The following PLAC1 variants were observed in gnomAD, a reference collection of about 807,000 sequenced individuals.
The protein encoded by PLAC1 is placenta-specific protein 1.
For synonymous variants in PLAC1, 68 were observed against 62.1 expected (o/e 1.09, Z -0.44); for missense variants, 136 against 163.2 (o/e 0.83, Z 0.91).
intron 2 of PLAC1, among the ~76,000 whole-genome samples, chrX:134,700,380 C>A (rs1162501125): frequency 8.9e-6 from 1 of 111,935 alleles, no homozygotes; most frequent in Non-Finnish European, 1.9e-5. Context: ...TTAATCAACT[C>A]TTTCCATTCC....
intron 2 of PLAC1, among the ~76,000 whole-genome samples, chrX:134,676,991 T>G (rs1055345415): frequency 8.0e-5 from 9 of 112,671 alleles, no homozygotes; most frequent in Admixed American, 1.9e-4. Flanking sequence ...AGTTAATATA[T>G]GTAAAATACT....
chrX:134,566,142 C>T lies in PLAC1; in HGVS notation c.541G>A (p.Ala181Thr), dbSNP rs1298363694. ...AGAGGTTGAGCCTCCTGAGCCCCTG[C>T]TTGGTGACAAGGGACCTGGGTATGC... ...EEHTQVPCHQ[A>T]GAQEAQPLQP... The change falls in exon 3 of 3, where the codon GCA becomes ACA. Residue 181 changes from alanine to threonine, a missense_variant. Transcript: ENST00000359237. 3 of 1,209,501 alleles carry T rather than the reference C, an allele frequency of 2.5e-6. No individual in the cohort carries two copies. In the African/African-American group the frequency reaches 5.2e-5, roughly 21 times the overall value.
At chrX:134,647,242 C>T (rs1341623709) in intron 1 of PLAC1, among the ~76,000 whole-genome samples, 26 of 111,785 alleles carry the variant, frequency 2.3e-4, no homozygotes, top group Admixed American at 2.3e-3. Flanking sequence ...GGCAGCTGGC[C>T]GAGAAGCTCA....
chrX:134,685,561 G>C (rs1273950699), intron 2 of PLAC1, among the ~76,000 whole-genome samples: 1 of 100,395 alleles, frequency 1.0e-5, no homozygotes, highest in Non-Finnish European at 2.0e-5. Flanking sequence ...AACAGGTTAA[G>C]AGCTCCTCAG....
At position 134,633,040 on chromosome X, in the gene PLAC1, G is replaced by T. The variant is rs139714946; in HGVS notation, c.-131+25288C>A. Among the ~76,000 whole-genome samples, 259 of 111,905 alleles carry T rather than the reference G, an allele frequency of 2.3e-3. 4 individuals are homozygous for T. The highest frequency in any genetic ancestry group is 0.02 in the Admixed American group (208 of 10,561). ...ATACATCTACTCTCCTAGCCCTTCA[G>T]CTTTGCTCTTGCCCCATGCTCTTGC... is the stretch of plus-strand genomic sequence containing the variant. On this transcript the variant is annotated intron_variant, in intron 1 of 2. Coordinates refer to ENST00000359237, the MANE Select transcript of PLAC1 (RefSeq NM_021796.4).
chrX:134,605,774 TG>T (rs1274216733), intron 1 of PLAC1: 1 of 112,255 alleles, frequency 8.9e-6, no homozygotes, highest in East Asian at 2.8e-4. Context: ...AAATGTTGAC[TG>T]TGCCATGCAC....
intron 1 of PLAC1, among the ~76,000 whole-genome samples, chrX:134,639,905 C>T (rs2078300105): frequency 8.9e-6 from 1 of 112,218 alleles, no homozygotes; most frequent in African/African-American, 3.2e-5. Flanking sequence ...TCAGTAAGTT[C>T]ATTCCTTTTT....
intron 1 of PLAC1, among the ~76,000 whole-genome samples, chrX:134,614,795 C>T (rs1458644033): frequency 9.0e-6 from 1 of 111,186 alleles, no homozygotes; most frequent in Admixed American, 9.6e-5. Context: ...TTATCATGCC[C>T]AGCTAATTTT....
At chrX:134,649,552 A>G (rs1047223126) in intron 1 of PLAC1, among the ~76,000 whole-genome samples, 4 of 111,133 alleles carry the variant, frequency 3.6e-5, no homozygotes, top group Non-Finnish European at 7.5e-5. Context: ...GAGGGAGGCC[A>G]GCACGCCACT....
intron 2 of PLAC1, among the ~76,000 whole-genome samples, chrX:134,725,932 G>A (rs1320458597): frequency 1.8e-5 from 2 of 111,877 alleles, no homozygotes; most frequent in South Asian, 7.5e-4. Flanking sequence ...AGGAGGCAGA[G>A]GTTGCAGTGA....
At chrX:134,723,548 A>T (rs944504413) in intron 2 of PLAC1, among the ~76,000 whole-genome samples, 2 of 110,707 alleles carry the variant, frequency 1.8e-5, no homozygotes, top group Admixed American at 1.9e-4. Context: ...CCTGGCCTCA[A>T]GCACTCCTCC....
intron 1 of PLAC1, among the ~76,000 whole-genome samples, chrX:134,754,214 A>G (rs2078751250): frequency 8.9e-6 from 1 of 112,376 alleles, no homozygotes; most frequent in South Asian, 3.6e-4. Context: ...TGTCCCTATC[A>G]ATTTATATTC....
chrX:134,685,488 G>A (rs1195552588), intron 2 of PLAC1, among the ~76,000 whole-genome samples: 1 of 88,635 alleles, frequency 1.1e-5, no homozygotes, highest in African/African-American at 4.2e-5. Context: ...TAGTACTTAG[G>A]AAATAGTGCT....
chrX:134,631,879 G>A lies in PLAC1; in HGVS notation c.-131+26449C>T, dbSNP rs150585057. On this transcript the variant is annotated intron_variant, in intron 1 of 2. Transcript: ENST00000359237. ...CATTACCCAGACTAATGCAGTCTGC[G>A]CAGGAGACACAGAATGAATCTGATT... Among the ~76,000 whole-genome samples the A allele has an allele frequency of 4.5e-3, 499 of 112,081 alleles. 1 individual carries two copies. The highest frequency in any genetic ancestry group is 7.4e-3 in the Non-Finnish European group (392 of 53,239).
chrX:134,727,539 C>CAGTAGGGGG (rs2078678066), intron 2 of PLAC1, among the ~76,000 whole-genome samples: 1 of 111,951 alleles, frequency 8.9e-6, no homozygotes, highest in South Asian at 3.7e-4. Flanking sequence ...CCAAAGCAAA[C>CAGTAGGGGG]AGTAGGGGGA....
At chrX:134,694,060 A>G (rs2078554040) in intron 2 of PLAC1, among the ~76,000 whole-genome samples, 1 of 111,374 alleles carries the variant, frequency 9.0e-6, no homozygotes, top group African/African-American at 3.3e-5. Context: ...CGTTTTGTCT[A>G]TAAATGATTT....
intron 1 of PLAC1, among the ~76,000 whole-genome samples, chrX:134,628,256 A>G (rs2078245201): frequency 8.9e-6 from 1 of 112,011 alleles, no homozygotes; most frequent in Admixed American, 9.5e-5. Context: ...GGCATCCCAT[A>G]TCCACTGTGT....
intron 2 of PLAC1, among the ~76,000 whole-genome samples, chrX:134,590,787 A>G (rs2078034950): frequency 9.1e-6 from 1 of 110,405 alleles, no homozygotes; most frequent in Non-Finnish European, 1.9e-5. Context: ...TTGTATTTTT[A>G]GTAGAGACCG....
chrX:134,586,839 TTGTGTG>T (rs757041226), intron 2 of PLAC1, among the ~76,000 whole-genome samples: 37 of 76,637 alleles, frequency 4.8e-4, no homozygotes, highest in South Asian at 1.7e-3. Context: ...CCCAGCTAAT[TTGTGTG>T]TGTGTGTGTG....
Sources: allele counts gnomAD v4.1 joint callset (sites outside exome capture counted in the v4.1 genomes callset), GRCh38; gene constraint gnomAD v4.1.1; transcripts MANE v1.5; gene names NCBI Gene and HGNC (gene_info 2026-07-23, HGNC 2026-07-21).